Variants in FRMD4B observed in about 807,000 individuals in gnomAD.
The protein encoded by FRMD4B is FERM domain-containing protein 4B.
FRMD4B carries 74 observed loss-of-function variants against 141.5 expected under a neutral mutation model. The observed-to-expected ratio is 0.52, with a 90% CI of 0.43 to 0.63. The LOEUF (loss-of-function observed/expected upper bound fraction) is 0.63. Ranked by LOEUF, FRMD4B falls within the 30% of genes least tolerant of loss-of-function variation. The pLI, the probability that FRMD4B is intolerant of heterozygous loss-of-function variation, is 0.00. For missense variants in FRMD4B, 1,366 were observed against 1,253.4 expected (o/e 1.09, Z -1.36); for synonymous variants, 506 against 467.9 (o/e 1.08, Z -1.05).
At chr3:69,436,714 G>A (rs552953171) in intron 1 of FRMD4B, among the ~76,000 whole-genome samples, 1 of 152,204 alleles carries the variant, frequency 6.6e-6, no homozygotes, top group South Asian at 2.1e-4. Context: ...CAGATTAATG[G>A]ATAAACAAAA....
intron 1 of FRMD4B, among the ~76,000 whole-genome samples, chr3:69,457,281 G>GA (rs1264921563): frequency 1.3e-5 from 2 of 151,962 alleles, no homozygotes; most frequent in Non-Finnish European, 2.9e-5. Context: ...GGACTGAAAG[G>GA]AAAAAAAGGT....
chr3:69,488,834 A>AGTGAGCCG (rs1706260237), intron 1 of FRMD4B, among the ~76,000 whole-genome samples: 1 of 144,886 alleles, frequency 6.9e-6, no homozygotes, highest in Admixed American at 7.1e-5. Context: ...CAGAGGTTGC[A>AGTGAGCCG]GTGAGCCGAG....
At chr3:69,362,938 T>C (rs541786751) in intron 1 of FRMD4B, among the ~76,000 whole-genome samples, 51 of 151,920 alleles carry the variant, frequency 3.4e-4, no homozygotes, top group South Asian at 1.5e-3. Flanking sequence ...AATTCTTCTA[T>C]AAGTCCTGAC....
At chr3:69,228,929 A>G (rs1480335516) in intron 7 of FRMD4B, among the ~76,000 whole-genome samples, 1 of 151,824 alleles carries the variant, frequency 6.6e-6, no homozygotes, top group African/African-American at 2.4e-5. Context: ...GCAAATTGTC[A>G]ATAGTGATTG....
intron 2 of FRMD4B, among the ~76,000 whole-genome samples, chr3:69,427,643 G>GGTTTTTTTT (rs1705105763): frequency 2.8e-5 from 1 of 36,238 alleles, no homozygotes; most frequent in African/African-American, 1.1e-4. Context: ...CTAGGTAAAT[G>GGTTTTTTTT]TTTTTTTTTT....
chr3:69,266,475 G>A (rs771918623), intron 5 of FRMD4B, among the ~76,000 whole-genome samples: 2 of 152,036 alleles, frequency 1.3e-5, no homozygotes, highest in Non-Finnish European at 2.9e-5. Flanking sequence ...ACAGGCACCT[G>A]CCACCACGCC....
At chr3:69,536,782 T>C in intron 1 of FRMD4B, 1 of 452,252 alleles carries the variant, frequency 2.2e-6, no homozygotes, top group South Asian at 2.1e-5. Flanking sequence ...AGTCTTGCTC[T>C]GTCGCTCAGG....
chr3:69,182,212 G>T (rs147395159), intron 20 of FRMD4B, among the ~76,000 whole-genome samples: 4 of 152,118 alleles, frequency 2.6e-5, no homozygotes, highest in African/African-American at 9.7e-5. Flanking sequence ...GTAAGATGAG[G>T]ATGAAAACAA....
At chr3:69,411,372 C>T (rs1704758837) in intron 2 of FRMD4B, among the ~76,000 whole-genome samples, 1 of 152,112 alleles carries the variant, frequency 6.6e-6, no homozygotes, top group South Asian at 2.1e-4. Flanking sequence ...TACAATTAAC[C>T]ACCCACACTT....
intron 1 of FRMD4B, chr3:69,535,962 T>C (rs6549230): frequency 0.54 from 208,731 of 389,638 alleles, 59,122 homozygotes; most frequent in African/African-American, 0.86. Context: ...AGCATCTCCT[T>C]GGCTGCTCCT....
At chr3:69,348,658 CG>C (rs1385672669) in intron 1 of FRMD4B, among the ~76,000 whole-genome samples, 1 of 152,012 alleles carries the variant, frequency 6.6e-6, no homozygotes, top group Non-Finnish European at 1.5e-5. Flanking sequence ...GCTTCATCCC[CG>C]GGATGCAAGG....
intron 1 of FRMD4B, among the ~76,000 whole-genome samples, chr3:69,318,414 G>A (rs1410368046): frequency 6.6e-6 from 1 of 152,134 alleles, no homozygotes; most frequent in Admixed American, 6.5e-5. Context: ...CATAATCACT[G>A]AGGCGCCCAT....
At chr3:69,471,984 A>G (rs1389257026) in intron 1 of FRMD4B, 1 of 126,446 alleles carries the variant, frequency 7.9e-6, no homozygotes, top group African/African-American at 3.4e-5. Context: ...TCACTGGTGA[A>G]AGTTGTCTTT....
chr3:69,478,636 A>T (rs1028897679), intron 1 of FRMD4B, among the ~76,000 whole-genome samples: 1 of 152,162 alleles, frequency 6.6e-6, no homozygotes, highest in African/African-American at 2.4e-5. Context: ...TATGTGGTCA[A>T]TTTAGGAATA....
At chr3:69,233,541 T>C (rs62254486) in intron 7 of FRMD4B, among the ~76,000 whole-genome samples, 8,804 of 151,688 alleles carry the variant, frequency 0.058, 361 homozygotes, top group Non-Finnish European at 0.087. Flanking sequence ...CTACACATAA[T>C]TGTAACTCAA....
chr3:69,534,924 T>A (rs898469904), intron 1 of FRMD4B, among the ~76,000 whole-genome samples: 1 of 152,186 alleles, frequency 6.6e-6, no homozygotes, highest in African/African-American at 2.4e-5. Flanking sequence ...TAGTTGGTGT[T>A]CAACAAATAA....
chr3:69,465,180 C>T (rs1487310764), intron 1 of FRMD4B, among the ~76,000 whole-genome samples: 3 of 151,988 alleles, frequency 2.0e-5, no homozygotes, highest in African/African-American at 2.4e-5. Flanking sequence ...ATTAGCCTGG[C>T]GCCGTGGCAG....
At chr3:69,172,392 T>C (rs957988144) in intron 22 of FRMD4B, among the ~76,000 whole-genome samples, 1 of 152,224 alleles carries the variant, frequency 6.6e-6, no homozygotes, top group Non-Finnish European at 1.5e-5. Flanking sequence ...TTTTCCAACA[T>C]TCTCTCTTTC....
At chr3:69,339,220 T>C (rs1702654507) in intron 1 of FRMD4B, among the ~76,000 whole-genome samples, 1 of 152,150 alleles carries the variant, frequency 6.6e-6, no homozygotes, top group Admixed American at 6.5e-5. Context: ...TGAAACTTAA[T>C]GTTAAACCCG....
Sources: allele counts gnomAD v4.1 joint callset (sites outside exome capture counted in the v4.1 genomes callset), GRCh38; gene constraint gnomAD v4.1.1; transcripts MANE v1.5; gene names NCBI Gene and HGNC (gene_info 2026-07-23, HGNC 2026-07-21).